Variants in COL22A1 observed in about 807,000 individuals in gnomAD.
The protein encoded by COL22A1 is collagen alpha-1(XXII) chain.
Under a neutral mutation model 248.9 loss-of-function variants are expected in COL22A1, and 221 were observed. The observed-to-expected ratio is 0.89, with a 90% CI of 0.80 to 0.99. COL22A1 has a LOEUF of 0.99. Among genes scored for constraint, COL22A1 ranks in the 50% least tolerant of loss-of-function variants. COL22A1 has a pLI of 0.00. For missense variants in COL22A1, 2,240 were observed against 2,179.0 expected (o/e 1.03, Z -0.56); for synonymous variants, 891 against 793.4 (o/e 1.12, Z -2.07).
intron 43 of COL22A1, among the ~76,000 whole-genome samples, chr8:138,661,001 T>TAC (rs1295468317): frequency 2.0e-5 from 1 of 50,670 alleles, no homozygotes. Context: ...CACATACACA[T>TAC]ACACAGACAC....
intron 23 of COL22A1, among the ~76,000 whole-genome samples, chr8:138,726,918 C>T (rs569618582): frequency 6.6e-6 from 1 of 152,180 alleles, no homozygotes; most frequent in South Asian, 2.1e-4. Context: ...CACGTGTGTC[C>T]AGGAAAGCAG....
At chr8:138,758,481 T>C (rs950975344) in intron 18 of COL22A1, among the ~76,000 whole-genome samples, 1 of 152,210 alleles carries the variant, frequency 6.6e-6, no homozygotes, top group Non-Finnish European at 1.5e-5. Context: ...TCACCTGATA[T>C]TTAGATCTGC....
chr8:138,784,150 C>T (rs913675494), intron 12 of COL22A1, among the ~76,000 whole-genome samples: 1 of 152,190 alleles, frequency 6.6e-6, no homozygotes, highest in Non-Finnish European at 1.5e-5. Context: ...AGAGGAAACA[C>T]TGAGACAGTC....
At chr8:138,745,088 G>A (rs1357927966) in intron 22 of COL22A1, among the ~76,000 whole-genome samples, 1 of 152,152 alleles carries the variant, frequency 6.6e-6, no homozygotes, top group Non-Finnish European at 1.5e-5. Context: ...TTCTCACTGT[G>A]AGTCTCAAAG....
At chr8:138,768,005 C>T (rs573217723) in intron 16 of COL22A1, among the ~76,000 whole-genome samples, 11 of 152,210 alleles carry the variant, frequency 7.2e-5, no homozygotes, top group African/African-American at 2.7e-4. Flanking sequence ...GCAGCCCCTT[C>T]GTGCCTTTGA....
At chr8:138,882,299 G>A (rs984890208) in intron 2 of COL22A1, among the ~76,000 whole-genome samples, 4 of 150,946 alleles carry the variant, frequency 2.6e-5, no homozygotes, top group Non-Finnish European at 5.9e-5. Flanking sequence ...CATGCATACT[G>A]ACATTGCCAC....
intron 42 of COL22A1, among the ~76,000 whole-genome samples, chr8:138,663,016 T>TCACACACACACACACACACACACACA (rs6150848): frequency 4.7e-5 from 7 of 148,738 alleles, no homozygotes; most frequent in African/African-American, 1.7e-4. Context: ...ACTCTGTCAC[T>TCACACACACACACACACACACACACA]CACACACACA....
intron 16 of COL22A1, among the ~76,000 whole-genome samples, chr8:138,774,240 C>G (rs1049286529): frequency 6.6e-5 from 10 of 152,086 alleles, no homozygotes; most frequent in Non-Finnish European, 1.5e-4. Flanking sequence ...CGAGGCCAGT[C>G]CCCGCCTCCC....
chr8:138,747,608 A>C (rs942313543), intron 22 of COL22A1, among the ~76,000 whole-genome samples: 1 of 152,148 alleles, frequency 6.6e-6, no homozygotes, highest in Admixed American at 6.5e-5. Flanking sequence ...CTGTTCAAGG[A>C]AAATTGTCTT....
chr8:138,714,459 G>A (rs1586547282), intron 30 of COL22A1, among the ~76,000 whole-genome samples: 1 of 152,156 alleles, frequency 6.6e-6, no homozygotes, highest in African/African-American at 2.4e-5. Context: ...TCAGGCCAAG[G>A]AGAACTGGTT....
intron 23 of COL22A1, among the ~76,000 whole-genome samples, chr8:138,727,979 G>A (rs1287039373): frequency 1.3e-5 from 2 of 152,124 alleles, no homozygotes; most frequent in Non-Finnish European, 2.9e-5. Context: ...GCCCTGCAGT[G>A]ACACTCACAG....
chr8:138,795,263 G>C (rs1490297029), intron 12 of COL22A1, among the ~76,000 whole-genome samples: 1 of 152,170 alleles, frequency 6.6e-6, no homozygotes, highest in East Asian at 1.9e-4. Context: ...ATGGAGACAT[G>C]AACTACATCT....
chr8:138,622,694 A>G (rs1026336176), intron 52 of COL22A1, among the ~76,000 whole-genome samples: 55 of 152,220 alleles, frequency 3.6e-4, no homozygotes, highest in African/African-American at 1.3e-3. Context: ...GCCCACAACT[A>G]TTTTTACACA....
intron 22 of COL22A1, among the ~76,000 whole-genome samples, chr8:138,743,541 T>C (rs1348005285): frequency 1.3e-5 from 2 of 152,114 alleles, no homozygotes; most frequent in East Asian, 3.9e-4. Context: ...GCAGTGGTGA[T>C]AGTGGCAACT....
intron 4 of COL22A1, among the ~76,000 whole-genome samples, chr8:138,839,274 C>T (rs181635433): frequency 2.8e-4 from 43 of 152,094 alleles, no homozygotes; most frequent in Non-Finnish European, 3.5e-4. Context: ...GAACAAGCAT[C>T]TGGGCTACTG....
chr8:138,614,590 C>G (rs564776102), intron 55 of COL22A1, among the ~76,000 whole-genome samples: 1 of 152,284 alleles, frequency 6.6e-6, no homozygotes. Flanking sequence ...ATGTACTGGG[C>G]GAGCTGACCT....
At chr8:138,791,297 C>T (rs868820582) in intron 12 of COL22A1, among the ~76,000 whole-genome samples, 5 of 152,176 alleles carry the variant, frequency 3.3e-5, no homozygotes, top group South Asian at 2.1e-4. Context: ...ATATCCTGAG[C>T]ATTACCACGG....
intron 12 of COL22A1, among the ~76,000 whole-genome samples, chr8:138,790,844 T>A (rs980852855): frequency 2.0e-5 from 3 of 151,704 alleles, no homozygotes; most frequent in East Asian, 1.9e-4. Flanking sequence ...TGATTTTTTT[T>A]AAAACACCCT....
intron 46 of COL22A1, among the ~76,000 whole-genome samples, chr8:138,647,548 T>C (rs1822314464): frequency 6.6e-6 from 1 of 152,216 alleles, no homozygotes; most frequent in East Asian, 1.9e-4. Flanking sequence ...TATACGTGCA[T>C]GTATAATTAT....
Sources: gnomAD v4.1 joint callset for allele counts (sites outside exome capture counted in the v4.1 genomes callset) on GRCh38, gnomAD v4.1.1 for gene constraint, MANE v1.5 for transcripts, NCBI Gene and HGNC (gene_info 2026-07-23, HGNC 2026-07-21) for gene names.